The following ARAF variants were observed in gnomAD, a reference collection of about 807,000 sequenced individuals.
The protein encoded by ARAF is A-Raf proto-oncogene, serine/threonine kinase.
Under a neutral mutation model 48.0 loss-of-function variants are expected in ARAF, and 18 were observed. That is an observed-to-expected ratio of 0.37 (90% CI 0.26 to 0.56). ARAF has a LOEUF of 0.56. Ranked by LOEUF, ARAF falls within the 20% of genes least tolerant of loss-of-function variation. The pLI, the probability that ARAF is intolerant of heterozygous loss-of-function variation, is 0.77. For synonymous variants in ARAF, 207 were observed against 220.1 expected, an observed-to-expected ratio of 0.94 and a Z score of 0.53; for missense variants, 389 against 543.1, an observed-to-expected ratio of 0.72 and a Z score of 2.82.
Position 47,563,308 on chromosome X carries a change from T to C in ARAF, c.179T>C (p.Val60Ala). Residue 60 changes from valine (V) to alanine (A), a missense_variant, in exon 3 of 16, where the codon GTG (valine) becomes GCG (alanine). Val to Ala is a moderately conservative substitution (Grantham distance 64). Around this residue, in one of 4 missense-constraint regions of ARAF, gnomAD observed 47 missense variants for 66.9 expected, o/e 0.70. Transcript: ENST00000377045. ...CGGGGTCTAAATCAGGACTGCTGTG[T>C]GGTCTACCGACTCATCAAGGGGTGA... Reference protein sequence around the residue: ...KVRGLNQDCCVVYRLIKGRKT... With the variant: ...KVRGLNQDCCAVYRLIKGRKT... 8.3e-7 allele frequency: 1 copy of C among 1,210,330 alleles called. No individual in the cohort carries two copies. The highest frequency in any genetic ancestry group is 1.1e-6 in the Non-Finnish European group (1 of 894,704).
At position 47,563,137 on chromosome X, in the gene ARAF, C is replaced by A; in HGVS notation, c.96+74C>A. On this transcript the variant is annotated intron_variant, in intron 2 of 15. Transcript: ENST00000377045. ...AACTCTGGGATCAAAAGGGTGACAA[C>A]GGTTGGGGGAGGCCTTTGCAGAAGG... The A allele has an allele frequency of 8.7e-7, 1 of 1,149,794 alleles. No individual in the cohort carries two copies. The highest frequency in any genetic ancestry group is 1.2e-6 in the Non-Finnish European group (1 of 851,754). 94.8% of individuals were successfully genotyped at this position (1,149,794 alleles called of 1,213,427 possible).
intron 12 of ARAF, 114 bp from the exon 13 acceptor site, chrX:47,569,425 G>C: frequency 1.6e-6 from 1 of 610,493 alleles, no homozygotes; most frequent in Non-Finnish European, 2.6e-6. Context: ...ATATTAAGGG[G>C]CTCCTGGTCA....
At position 47,567,016 on chromosome X, in the gene ARAF, C is replaced by A. The variant is rs1349543733; in HGVS notation, c.758C>A (p.Thr253Asn). 6.6e-6 allele frequency: 8 copies of A among 1,211,210 alleles called. No homozygotes were observed. The highest frequency in any genetic ancestry group is 8.9e-6 in the Non-Finnish European group (8 of 895,223). Residue 253 changes from threonine to asparagine, a missense_variant, in exon 9 of 16, where the codon ACC becomes AAC. Transcript: ENST00000377045. ...AAGSRGGSDG[T>N]PRGSPSPASV... is the part of the protein sequence containing the mutation. ...GGTAGTAGAGGAGGTAGTGATGGAA[C>A]CCCCCGGGGGAGCCCCAGCCCAGCC... is the stretch of plus-strand genomic sequence containing the variant.
At chrX:47,561,783 C>T (rs2057709659) in intron 1 of ARAF, among the ~76,000 whole-genome samples, 1 of 107,508 alleles carries the variant, frequency 9.3e-6, no homozygotes, top group African/African-American at 3.4e-5. Context: ...TTGGAGCTCC[C>T]TCTTTACCTC....
chrX:47,570,779 C>G (rs968182480), intron 14 of ARAF, 99 bp from the exon 15 acceptor site: 2 of 879,838 alleles, frequency 2.3e-6, no homozygotes, highest in Non-Finnish European at 3.2e-6. Flanking sequence ...TACCCCAGCT[C>G]GCTAAAAATG....
intron 1 of ARAF, among the ~76,000 whole-genome samples, chrX:47,562,517 A>C (rs1340551457): frequency 1.1e-4 from 12 of 108,893 alleles, no homozygotes; most frequent in Non-Finnish European, 1.5e-4. Flanking sequence ...AAAAAAAAAA[A>C]AACCCAGGAC....
chrX:47,565,675 ATATT>A (rs921502634), intron 6 of ARAF: 9 of 129,901 alleles, frequency 6.9e-5, no homozygotes, highest in South Asian at 3.5e-4. Context: ...AATTATAAAT[ATATT>A]TATAAGCATC....
chrX:47,565,367 T>A lies in ARAF; in HGVS notation c.557+17T>A, dbSNP rs1454017095. 50 of 1,202,046 alleles carry A rather than the reference T, an allele frequency of 4.2e-5. No individual in the cohort carries two copies. The highest frequency in any genetic ancestry group is 5.6e-5 in the Non-Finnish European group (50 of 889,990). ...GGGTCCCAGGTAGGGATGCCTTAGC[T>A]GAAGAGCTGCTGGGGGAGAAAAAGA... On this transcript the variant is annotated intron_variant, in intron 6 of 15. Coordinates refer to ENST00000377045, the MANE Select transcript of ARAF (RefSeq NM_001654.5).
intron 6 of ARAF, chrX:47,565,609 G>A: frequency 3.2e-6 from 1 of 311,266 alleles, no homozygotes; most frequent in Admixed American, 5.7e-5. Context: ...GTTAAGACAT[G>A]TTCAGTGCCT....
chrX:47,566,645 C>T lies in ARAF; in HGVS notation c.564C>T (p.Arg188=). The T allele has an allele frequency of 2.6e-6, 3 of 1,167,885 alleles. No homozygotes were observed. Among genetic ancestry groups the T allele is most frequent in the Non-Finnish European group, 3.4e-6 (3 of 872,170 alleles). ...ACAGCCTTTCCCCTGGCAGCCCCCG[C>T]ACCCAGCACTGTGACCCGGAGCACT... The part of the protein sequence containing the change: ...ELLTPQGPSP[R]TQHCDPEHFP... Residue 188 remains arginine (R), a synonymous_variant, in exon 7 of 16, where the codon CGC becomes CGT. Transcript: ENST00000377045.
intron 14 of ARAF, 34 bp from the exon 15 acceptor site, chrX:47,570,844 A>T: frequency 8.5e-7 from 1 of 1,181,898 alleles, no homozygotes; most frequent in Non-Finnish European, 1.1e-6. Flanking sequence ...CCCTGACCCC[A>T]GATCACCCCT....
chrX:47,569,854 G>T, intron 13 of ARAF, 39 bp from the exon 14 acceptor site: 1 of 1,193,102 alleles, frequency 8.4e-7, no homozygotes, highest in Non-Finnish European at 1.1e-6. Flanking sequence ...GCCATTTGCT[G>T]ACCTCCGTGG....
chrX:47,564,581 T>C, intron 3 of ARAF, among the ~76,000 whole-genome samples: 1 of 112,613 alleles, frequency 8.9e-6, no homozygotes, highest in South Asian at 3.6e-4. Flanking sequence ...ATTACCCTTG[T>C]GGCCCAGGGC....
intron 15 of ARAF, 99 bp downstream of exon 15, chrX:47,571,111 G>GT: frequency 1.8e-5 from 3 of 171,193 alleles, no homozygotes; most frequent in Non-Finnish European, 2.3e-5. Context: ...CAGAGGTATA[G>GT]TGTGTGTGTG....
At chrX:47,571,038 C>G (rs764348546) in intron 15 of ARAF, 26 bp downstream of exon 15, 3 of 1,201,802 alleles carry the variant, frequency 2.5e-6, no homozygotes, top group East Asian at 3.0e-5. Context: ...GGCTGGACAC[C>G]TTGGGTGGGT....
intron 10 of ARAF, 65 bp from the exon 11 acceptor site, chrX:47,568,653 A>T: frequency 9.0e-7 from 1 of 1,117,159 alleles, no homozygotes; most frequent in Non-Finnish European, 1.2e-6. Flanking sequence ...GCCACTCCTG[A>T]TGCTCGGTAA....
At position 47,567,150 on chromosome X, in the gene ARAF, C is replaced by G. The variant is rs2147906880; in HGVS notation, c.873+19C>G. 3 of 1,209,632 alleles carry G rather than the reference C, an allele frequency of 2.5e-6. No individual in the cohort carries two copies. The Admixed American group carries it at 6.5e-5, about 26-fold the overall frequency. On this transcript the variant is annotated intron_variant, in intron 9 of 15. Transcript: ENST00000377045. ...GAAAGTGGTATGCTCGAGGGGGATC[C>G]TTTTGGGGCCACCAAGGCTGAGTGA...
chrX:47,566,955 A>G, intron 8 of ARAF, 31 bp from the exon 9 acceptor site: 1 of 1,209,612 alleles, frequency 8.3e-7, no homozygotes, highest in South Asian at 1.8e-5. Context: ...TGCCCCACTT[A>G]CCTCCACTCA....
In ARAF at chrX:47,569,454, G is replaced by A. The variant is rs760280370; in HGVS notation, c.1301-85G>A. On this transcript the variant is annotated intron_variant, in intron 12 of 15. Transcript: ENST00000377045. ...CTGGTCAGGATCAGAGGGATGAGTGGTATAGGGGCACCAATGGGAACCTCC... is the reference window on the plus strand; with the variant it reads ...CTGGTCAGGATCAGAGGGATGAGTGATATAGGGGCACCAATGGGAACCTCC... 24 of 764,416 alleles carry A rather than the reference G, an allele frequency of 3.1e-5. No homozygotes were observed. In the African/African-American group the frequency reaches 5.0e-4, roughly 16 times the overall value. The allele number at this position is 764,416 out of a possible 1,213,427, so 63.0% of individuals were successfully genotyped here. A position where few individuals can be genotyped will look rare whatever the true frequency, so the allele number is the denominator to read the frequency against.
Sources: allele counts gnomAD v4.1 joint callset (sites outside exome capture counted in the v4.1 genomes callset), GRCh38; gene constraint gnomAD v4.1.1; regional missense constraint gnomAD v4.1.1; transcripts MANE v1.5; gene names NCBI Gene and HGNC (gene_info 2026-07-23, HGNC 2026-07-21).